Variants in ABCA10 observed in about 807,000 individuals in gnomAD.
The protein encoded by ABCA10 is ATP binding cassette subfamily A member 10, also known as ATP-binding cassette sub-family A member 10.
A neutral mutation model predicts 187.5 loss-of-function variants in ABCA10; 169 were observed. That is an observed-to-expected ratio of 0.90 (90% CI 0.80 to 1.02). The LOEUF (loss-of-function observed/expected upper bound fraction) is 1.02, where lower values mean the gene tolerates loss of function less well. Among genes scored for constraint, ABCA10 ranks in the 50% least tolerant of loss-of-function variants. ABCA10 has a pLI of 0.00. For missense variants in ABCA10, 1,727 were observed against 1,812.4 expected, an observed-to-expected ratio of 0.95 and a Z score of 0.86; for synonymous variants, 574 against 601.8, an observed-to-expected ratio of 0.95 and a Z score of 0.68.
At chr17:69,161,935 A>G (rs1252201070) in intron 27 of ABCA10, among the ~76,000 whole-genome samples, 1 of 152,222 alleles carries the variant, frequency 6.6e-6, no homozygotes, top group Non-Finnish European at 1.5e-5. Flanking sequence ...AATGTTGAAA[A>G]TAAGTCCTAT....
At chr17:69,207,048 G>GA (rs1226144723) in intron 9 of ABCA10, among the ~76,000 whole-genome samples, 4 of 152,064 alleles carry the variant, frequency 2.6e-5, no homozygotes, top group South Asian at 4.1e-4. Context: ...TCAATAGTAA[G>GA]AAAAAATAAC....
At chr17:69,211,452 T>C (rs1033640059) in intron 9 of ABCA10, among the ~76,000 whole-genome samples, 2 of 150,932 alleles carry the variant, frequency 1.3e-5, no homozygotes, top group African/African-American at 2.4e-5. Context: ...TTTTTTGTTA[T>C]GCCCTTTCCT....
At chr17:69,190,330 A>G (rs1427467303) in intron 18 of ABCA10, 28 bp downstream of exon 18, 1 of 1,520,754 alleles carries the variant, frequency 6.6e-7, no homozygotes, top group Non-Finnish European at 8.7e-7. Flanking sequence ...TTTTTTCTTA[A>G]TTTTCTGCTA....
intron 27 of ABCA10, among the ~76,000 whole-genome samples, chr17:69,159,981 C>T (rs1296803931): frequency 6.6e-6 from 1 of 151,984 alleles, no homozygotes; most frequent in African/African-American, 2.4e-5. Flanking sequence ...ATATTATACA[C>T]AAAATTAACT....
intron 9 of ABCA10, among the ~76,000 whole-genome samples, chr17:69,214,311 C>T (rs1598120340): frequency 6.6e-6 from 1 of 151,944 alleles, no homozygotes; most frequent in Admixed American, 6.5e-5. Flanking sequence ...GTCAGGAGAT[C>T]GAGACCATCC....
intron 4 of ABCA10, 59 bp downstream of exon 4, chr17:69,222,474 C>T: frequency 1.5e-6 from 2 of 1,332,384 alleles, no homozygotes; most frequent in Non-Finnish European, 2.0e-6. Context: ...TCAGTCATTC[C>T]AAACAGGGGA....
At chr17:69,151,684 T>C (rs1048195636) in intron 36 of ABCA10, among the ~76,000 whole-genome samples, 2 of 152,212 alleles carry the variant, frequency 1.3e-5, no homozygotes, top group African/African-American at 4.8e-5. Context: ...TGATGCAATT[T>C]ATATTCAGCA....
chr17:69,197,161 T>C, intron 10 of ABCA10, 39 bp from the exon 11 acceptor site: 1 of 1,457,490 alleles, frequency 6.9e-7, no homozygotes, highest in Non-Finnish European at 9.6e-7. Flanking sequence ...AAATGCATTT[T>C]CTAGTATTAA....
intron 11 of ABCA10, chr17:69,196,422 G>A (rs577758404): frequency 1.3e-3 from 224 of 177,954 alleles, no homozygotes; most frequent in African/African-American, 5.0e-3. Context: ...GATGGGCGGC[G>A]GGGCAGAGGC....
At position 69,155,094 on chromosome 17, in the gene ABCA10, C is replaced by A; in HGVS notation, c.3619G>T (p.Glu1207Ter). Residue 1207 changes from glutamate (E) to a stop codon, truncating the protein, a stop_gained, in exon 30 of 39, where the codon GAG (glutamate) becomes TAG (stop). Coordinates refer to ENST00000690296, the MANE Select transcript of ABCA10 (RefSeq NM_001377321.1). LOFTEE classifies it high-confidence loss of function. ...GTTGAAAAGCAACTTTTCTTTGTCT[C>A]ATAATATTCCTTGTGTAAACAGCTT... The part of the protein sequence containing the change: ...TASCLHKEYY[E>*]TKKSCFSTRK... The A allele has an allele frequency of 1.2e-6, 2 of 1,612,926 alleles. No homozygotes were observed. The highest frequency in any genetic ancestry group is 2.2e-5 in the South Asian group (2 of 90,876).
chr17:69,148,774 G>A lies in ABCA10; in HGVS notation c.*53C>T. The A allele has an allele frequency of 5.8e-6, 8 of 1,370,288 alleles. No individual in the cohort carries two copies. Among genetic ancestry groups the A allele is most frequent in the Non-Finnish European group, 8.2e-6 (8 of 976,320 alleles). 84.9% of individuals were successfully genotyped at this position (1,370,288 alleles called of 1,614,324 possible). A position where few individuals can be genotyped will look rare whatever the true frequency, so the allele number is the denominator to read the frequency against. On this transcript the variant is annotated 3_prime_UTR_variant, in exon 39 of 39. Coordinates refer to ENST00000690296, the MANE Select transcript of ABCA10 (RefSeq NM_001377321.1). ...AAAGGAAACATTCTTGTAGAATTAT[G>A]GAAACTAACAATGTAGTAGGACCTA...
chr17:69,215,954 A>G lies in ABCA10; in HGVS notation c.719T>C (p.Leu240Pro), dbSNP rs1311418518. ...LMSVLIRKPM[L>P]AGLAGFLFTV... ...GAAGAGAAATCCAGCCAAACCAGCG[A>G]GCATAGGTTTCCTTATTAAAACACT... is the stretch of plus-strand genomic sequence containing the variant. The change falls in exon 8 of 39, where the codon CTC becomes CCC. Residue 240 changes from leucine to proline, a missense_variant. By Grantham distance (98) the Leu-to-Pro change is moderately conservative. Coordinates refer to ENST00000690296, the MANE Select transcript of ABCA10 (RefSeq NM_001377321.1). The G allele has an allele frequency of 6.2e-7, 1 of 1,613,824 alleles. No homozygotes were observed. Among genetic ancestry groups the G allele is most frequent in the Non-Finnish European group, 8.5e-7 (1 of 1,179,944 alleles).
In ABCA10 at chr17:69,154,183, T is replaced by C. The variant is rs370574737; in HGVS notation, c.3786+52A>G. The C allele has an allele frequency of 1.0e-5, 15 of 1,497,596 alleles. No homozygotes were observed. The African/African-American group carries it at 1.8e-4, about 18-fold the overall frequency. The allele number at this position is 1,497,596 out of a possible 1,614,324, so 92.8% of individuals were successfully genotyped here. ...ATATTTGATTTACTGATAGGAATAATAGAAAGATGTCATCAATATTTAAAA... is the reference window on the plus strand; with the variant it reads ...ATATTTGATTTACTGATAGGAATAACAGAAAGATGTCATCAATATTTAAAA... On this transcript the variant is annotated intron_variant, in intron 31 of 38. Transcript: ENST00000690296.
chr17:69,193,944 A>AGAGAGT lies in ABCA10; in HGVS notation c.1390_1391insACTCTC (p.Met464delinsAsnSerLeu). On this transcript the variant is annotated protein_altering_variant, in exon 13 of 39. Transcript: ENST00000690296. ...TCCAATATTCTTTCTAATTTCTTCC[A>AGAGAGT]TGTCAGTTATTTCAGAGAGTTGAGT... 6.2e-7 allele frequency: 1 copy of AGAGAGT among 1,611,104 alleles called. No homozygotes were observed. The highest frequency in any genetic ancestry group is 8.5e-7 in the Non-Finnish European group (1 of 1,178,318).
At position 69,193,584 on chromosome 17, in the gene ABCA10, A is replaced by T; in HGVS notation, c.1550T>A (p.Met517Lys). 6.2e-7 allele frequency: 1 copy of T among 1,610,310 alleles called. No individual in the cohort carries two copies. Among genetic ancestry groups the T allele is most frequent in the Non-Finnish European group, 8.5e-7 (1 of 1,177,206 alleles). ...AGCAATAATGTCTTGAATGCTTTGC[A>T]TGTCTAATTCCATTATAATTCTTTT... ...EVKRIIMELD[M>K]QSIQDIIAKK... is the part of the protein sequence containing the mutation. Residue 517 changes from methionine (M) to lysine (K), a missense_variant, in exon 14 of 39, where the codon ATG becomes AAG. Coordinates refer to ENST00000690296, the MANE Select transcript of ABCA10 (RefSeq NM_001377321.1).
intron 10 of ABCA10, among the ~76,000 whole-genome samples, chr17:69,200,291 G>A (rs538213521): frequency 1.3e-5 from 2 of 152,118 alleles, no homozygotes; most frequent in Non-Finnish European, 2.9e-5. Flanking sequence ...TCATTTTTAA[G>A]ATGAAGAAAC....
intron 25 of ABCA10, among the ~76,000 whole-genome samples, chr17:69,168,304 T>A (rs1429328808): frequency 1.3e-5 from 2 of 152,160 alleles, no homozygotes; most frequent in African/African-American, 2.4e-5. Flanking sequence ...TGCCTCTTAC[T>A]CCGACGTTGT....
rs1421113433 is a variant in ABCA10, at chr17:69,196,652, C to G, written c.1234+412G>C. On this transcript the variant is annotated intron_variant, in intron 11 of 38. Coordinates refer to ENST00000690296, the MANE Select transcript of ABCA10 (RefSeq NM_001377321.1). ...CTGCAATCTCGGCACTTTGGGAGGC[C>G]AAGGCAGGCGGCTGGGAGGTGGAGG... is the stretch of plus-strand genomic sequence containing the variant. Among the ~76,000 whole-genome samples, 10 of 152,280 alleles carry G rather than the reference C, an allele frequency of 6.6e-5. No individual in the cohort carries two copies. In the East Asian group the frequency reaches 1.2e-3, roughly 18 times the overall value.
At chr17:69,197,266 C>A (rs1485273805) in intron 10 of ABCA10, 144 bp from the exon 11 acceptor site, 3 of 568,044 alleles carry the variant, frequency 5.3e-6, no homozygotes, top group African/African-American at 1.9e-5. Flanking sequence ...AAAGCCCTCC[C>A]CTGACCACTC....
Sources: allele counts gnomAD v4.1 joint callset (sites outside exome capture counted in the v4.1 genomes callset), GRCh38; gene constraint gnomAD v4.1.1; transcripts MANE v1.5; gene names NCBI Gene and HGNC (gene_info 2026-07-23, HGNC 2026-07-21).